SRSF10: variants seen among roughly 807,000 people sequenced by gnomAD.
SRSF10 encodes serine/arginine-rich splicing factor 10.
SRSF10 carries 9 observed loss-of-function variants against 32.6 expected under a neutral mutation model. The observed-to-expected ratio is 0.28, with a 90% CI of 0.17 to 0.48. The LOEUF (loss-of-function observed/expected upper bound fraction) is 0.48, where lower values mean the gene tolerates loss of function less well. Among genes scored for constraint, SRSF10 ranks in the 20% least tolerant of loss-of-function variants. The pLI, the probability that SRSF10 is intolerant of heterozygous loss-of-function variation, is 0.99. For missense variants in SRSF10, 201 were observed against 331.8 expected, an observed-to-expected ratio of 0.61 and a Z score of 3.06; for synonymous variants, 105 against 112.4, an observed-to-expected ratio of 0.93 and a Z score of 0.42.
At chr1:23,980,005 G>A (rs948520633) in intron 1 of SRSF10, among the ~76,000 whole-genome samples, 186 bp downstream of exon 1, 5 of 152,212 alleles carry the variant, frequency 3.3e-5, no homozygotes, top group Admixed American at 6.5e-5. Context: ...CGAAGGCAGA[G>A]GCGCCGCCCT....
chr1:23,980,111 C>A (rs1210418733), intron 1 of SRSF10, 80 bp downstream of exon 1: 9 of 1,421,098 alleles, frequency 6.3e-6, no homozygotes, highest in Admixed American at 2.2e-5. Flanking sequence ...CTCCCCCGGC[C>A]CAGTGCCGCC....
chr1:23,974,893 C>A (rs1641993929), intron 3 of SRSF10, 81 bp downstream of exon 3: 5 of 1,042,672 alleles, frequency 4.8e-6, no homozygotes, highest in African/African-American at 1.6e-5. Context: ...AACAGAAACA[C>A]AAATTGCTTA....
At chr1:23,976,202 CT>C (rs1337100227) in intron 2 of SRSF10, 2 of 131,644 alleles carry the variant, frequency 1.5e-5, no homozygotes, top group African/African-American at 2.4e-5. Context: ...CAACACAAGA[CT>C]GCAGATTTAG....
chr1:23,977,159 T>G (rs1642143022), intron 2 of SRSF10: 1 of 152,146 alleles, frequency 6.6e-6, no homozygotes, highest in African/African-American at 2.4e-5. Flanking sequence ...GCAGGAGTAG[T>G]TTTTGGCTTT....
In SRSF10 at chr1:23,968,060, A is replaced by C; in HGVS notation, c.*3082T>G. On this transcript the variant is annotated 3_prime_UTR_variant, in exon 6 of 6. Transcript: ENST00000492112. ...GATATAACCATTCTATTTATCATTG[A>C]GCCCAGTCATACACAGTAGGTAAAC... is the stretch of plus-strand genomic sequence containing the variant. 6.6e-7 allele frequency: 1 copy of C among 1,516,754 alleles called. No homozygotes were observed. Among genetic ancestry groups the C allele is most frequent in the Non-Finnish European group, 8.8e-7 (1 of 1,138,620 alleles). 94.0% of individuals were successfully genotyped at this position (1,516,754 alleles called of 1,614,324 possible).
At chr1:23,971,702 A>G in intron 4 of SRSF10, 76 bp from the exon 5 acceptor site, 1 of 1,539,478 alleles carries the variant, frequency 6.5e-7, no homozygotes, top group Non-Finnish European at 8.8e-7. Flanking sequence ...AGCAAACCAT[A>G]AAACTTTTAA....
Position 23,970,016 on chromosome 1 carries a change from C to T in SRSF10, c.*1126G>A. 1.0e-6 allele frequency: 1 copy of T among 985,404 alleles called. No individual in the cohort carries two copies. The highest frequency in any genetic ancestry group is 1.2e-6 in the Non-Finnish European group (1 of 829,936). The allele number at this position is 985,404 out of a possible 1,614,324, so 61.0% of individuals were successfully genotyped here. A position where few individuals can be genotyped will look rare whatever the true frequency, so the allele number is the denominator to read the frequency against. ...AATTTCAGTTCTTTTACACTAGGCACACACACACAAAACCTACTTTGAAAC... is the reference window on the plus strand; with the variant it reads ...AATTTCAGTTCTTTTACACTAGGCATACACACACAAAACCTACTTTGAAAC... On this transcript the variant is annotated 3_prime_UTR_variant, in exon 6 of 6. Transcript: ENST00000492112.
intron 2 of SRSF10, 197 bp from the exon 3 acceptor site, chr1:23,975,274 G>C: frequency 3.7e-6 from 2 of 534,962 alleles, no homozygotes; most frequent in Admixed American, 3.5e-5. Context: ...ATTTCCTAAG[G>C]CACACATTTG....
intron 1 of SRSF10, 111 bp downstream of exon 1, chr1:23,980,080 C>A (rs1642370038): frequency 3.3e-6 from 4 of 1,214,614 alleles, no homozygotes; most frequent in Non-Finnish European, 4.5e-6. Context: ...GGCGCGGGAC[C>A]CGCCATCTTC....
In SRSF10 at chr1:23,980,290, G is replaced by C. The variant is rs1358166968; in HGVS notation, c.-35C>G. Reference sequence around the variant, plus strand: ...GTGTCTCGGCCGGGCGCACTAACGGGCTCAGCAAACCGTCCGCGGCTCAGG... The same window carrying C: ...GTGTCTCGGCCGGGCGCACTAACGGCCTCAGCAAACCGTCCGCGGCTCAGG... On this transcript the variant is annotated 5_prime_UTR_variant, in exon 1 of 6. Transcript: ENST00000492112. The C allele has an allele frequency of 6.3e-6, 9 of 1,435,582 alleles. No homozygotes were observed. Among genetic ancestry groups the C allele is most frequent in the Admixed American group, 2.6e-5 (1 of 38,614 alleles). 88.9% of individuals were successfully genotyped at this position (1,435,582 alleles called of 1,614,324 possible). A position where few individuals can be genotyped will look rare whatever the true frequency, so the allele number is the denominator to read the frequency against.
rs1641516385 is a variant in SRSF10 at position 23,967,647 on chromosome 1, G to A, written c.*3495C>T. The A allele has an allele frequency of 2.0e-6, 3 of 1,503,026 alleles. No individual in the cohort carries two copies. In the African/African-American group the frequency reaches 4.1e-5, roughly 21 times the overall value. The allele number at this position is 1,503,026 out of a possible 1,614,324, so 93.1% of individuals were successfully genotyped here. A position where few individuals can be genotyped will look rare whatever the true frequency, so the allele number is the denominator to read the frequency against. ...TTGGTCGCTTGAACTGCCCTTCTTTGGTTCTTTTTCCGCTTTCAGATCTTT... is the reference window on the plus strand; with the variant it reads ...TTGGTCGCTTGAACTGCCCTTCTTTAGTTCTTTTTCCGCTTTCAGATCTTT... On this transcript the variant is annotated 3_prime_UTR_variant, in exon 6 of 6. Coordinates refer to ENST00000492112, the MANE Select transcript of SRSF10 (RefSeq NM_054016.4).
rs1641612259 is a variant in SRSF10 at position 23,969,358 on chromosome 1, A to G, written c.*1784T>C. ...TATACATCCAGGAAAATCTAAAAAA[A>G]TTAAAGAAACGTGCATATAAACGAT... On this transcript the variant is annotated 3_prime_UTR_variant, in exon 6 of 6. Transcript: ENST00000492112. 1.0e-6 allele frequency: 1 copy of G among 985,694 alleles called. No homozygotes were observed. Among genetic ancestry groups the G allele is most frequent in the Non-Finnish European group, 1.2e-6 (1 of 829,756 alleles). 61.1% of individuals were successfully genotyped at this position (985,694 alleles called of 1,614,324 possible). A position where few individuals can be genotyped will look rare whatever the true frequency, so the allele number is the denominator to read the frequency against.
rs999714198 is a variant in SRSF10, at chr1:23,980,308, G to T, written c.-53C>A. The T allele has an allele frequency of 1.4e-6, 2 of 1,386,416 alleles. No individual in the cohort carries two copies. The highest frequency in any genetic ancestry group is 3.0e-5 in the East Asian group (1 of 32,792). 85.9% of individuals were successfully genotyped at this position (1,386,416 alleles called of 1,614,324 possible). A position where few individuals can be genotyped will look rare whatever the true frequency, so the allele number is the denominator to read the frequency against. On this transcript the variant is annotated 5_prime_UTR_variant, in exon 1 of 6. Transcript: ENST00000492112. ...CTAACGGGCTCAGCAAACCGTCCGC[G>T]GCTCAGGCGGCCGAGCCTCAGACAC...
chr1:23,971,775 C>A, intron 4 of SRSF10, 75 bp downstream of exon 4: 1 of 1,521,736 alleles, frequency 6.6e-7, no homozygotes, highest in Non-Finnish European at 8.9e-7. Flanking sequence ...TAAAAGTATA[C>A]AAAATAGTAA....
chr1:23,970,148 A>G lies in SRSF10; in HGVS notation c.*994T>C, dbSNP rs1641657120. ...AGAATATTCCTTTTTCCTTAAAATT[A>G]TTTTTGCCATCAACGACCTGCTCAA... On this transcript the variant is annotated 3_prime_UTR_variant, in exon 6 of 6. Transcript: ENST00000492112. The G allele has an allele frequency of 1.0e-6, 1 of 985,206 alleles. No homozygotes were observed. Among genetic ancestry groups the G allele is most frequent in the Admixed American group, 6.2e-5 (1 of 16,252 alleles). The allele number at this position is 985,206 out of a possible 1,614,324, so 61.0% of individuals were successfully genotyped here.
chr1:23,978,294 A>G, intron 2 of SRSF10: 1 of 993,408 alleles, frequency 1.0e-6, no homozygotes, highest in Non-Finnish European at 1.2e-6. Flanking sequence ...AACAGAGGAC[A>G]GCAAATTAGG....
intron 2 of SRSF10, chr1:23,978,305 G>A: frequency 3.0e-6 from 3 of 992,676 alleles, no homozygotes; most frequent in Non-Finnish European, 3.6e-6. Flanking sequence ...GCAAATTAGG[G>A]GACAATATTA....
Position 23,967,414 on chromosome 1 carries a change from A to C in SRSF10, c.*3728T>G. 1 of 387,820 alleles carries C rather than the reference A, an allele frequency of 2.6e-6. No individual in the cohort carries two copies. Among genetic ancestry groups the C allele is most frequent in the Admixed American group, 3.9e-5 (1 of 25,352 alleles). 24.0% of individuals were successfully genotyped at this position (387,820 alleles called of 1,614,324 possible). On this transcript the variant is annotated 3_prime_UTR_variant, in exon 6 of 6. Transcript: ENST00000492112. ...ATAATTTATTATGGACCTGTTACCC[A>C]TGAATCAATATAAACCTATTCATAT...
chr1:23,969,527 G>A lies in SRSF10; in HGVS notation c.*1615C>T. The A allele has an allele frequency of 2.0e-6, 2 of 985,244 alleles. No homozygotes were observed. Among genetic ancestry groups the A allele is most frequent in the East Asian group, 1.1e-4 (1 of 8,820 alleles). The allele number at this position is 985,244 out of a possible 1,614,324, so 61.0% of individuals were successfully genotyped here. A position where few individuals can be genotyped will look rare whatever the true frequency, so the allele number is the denominator to read the frequency against. ...AAATCCATCGTTGTATTCTTTACAG[G>A]CAAAGCCTAGATTACTAAAACCGAA... On this transcript the variant is annotated 3_prime_UTR_variant, in exon 6 of 6. Transcript: ENST00000492112.
Sources: gnomAD v4.1 joint callset for allele counts (sites outside exome capture counted in the v4.1 genomes callset) on GRCh38, gnomAD v4.1.1 for gene constraint, MANE v1.5 for transcripts, NCBI Gene and HGNC (gene_info 2026-07-23, HGNC 2026-07-21) for gene names.